Variants in TCERG1L observed in about 807,000 individuals in gnomAD.
TCERG1L encodes transcription elongation regulator 1 like, also known as transcription elongation regulator 1-like protein.
A neutral mutation model predicts 56.3 loss-of-function variants in TCERG1L; 37 were observed. That is an observed-to-expected ratio of 0.66 (90% CI 0.51 to 0.87). The LOEUF is 0.87. Among genes scored for constraint, TCERG1L ranks in the 40% least tolerant of loss-of-function variants. The pLI, the probability that TCERG1L is intolerant of heterozygous loss-of-function variation, is 0.00. For missense variants in TCERG1L, 799 were observed against 774.2 expected (o/e 1.03, Z -0.38); for synonymous variants, 324 against 326.3 (o/e 0.99, Z 0.08).
intron 7 of TCERG1L, among the ~76,000 whole-genome samples, chr10:131,143,650 C>T (rs187015422): frequency 2.4e-3 from 361 of 152,264 alleles, no homozygotes; most frequent in African/African-American, 7.7e-3. Context: ...GAGAGAACCA[C>T]GCCTCTGACA....
At chr10:131,115,595 C>G (rs1366574172) in intron 9 of TCERG1L, among the ~76,000 whole-genome samples, 1 of 111,340 alleles carries the variant, frequency 9.0e-6, no homozygotes, top group Non-Finnish European at 2.0e-5. Flanking sequence ...GTCACCAGCT[C>G]ACACCCCCAC....
chr10:131,109,742 C>T (rs1054356844), intron 9 of TCERG1L, among the ~76,000 whole-genome samples: 3 of 152,120 alleles, frequency 2.0e-5, no homozygotes, highest in Admixed American at 1.3e-4. Context: ...CCTCCTGCAG[C>T]GGGACTCTCC....
intron 9 of TCERG1L, among the ~76,000 whole-genome samples, chr10:131,105,204 C>T (rs1043105918): frequency 6.6e-6 from 1 of 152,180 alleles, no homozygotes. Flanking sequence ...GGGAGGAAGA[C>T]CACACAGGTA....
At chr10:131,289,109 TAAAAACAGA>T in intron 3 of TCERG1L, among the ~76,000 whole-genome samples, 1 of 151,996 alleles carries the variant, frequency 6.6e-6, no homozygotes. Flanking sequence ...AACTGAATTT[TAAAAACAGA>T]TTGCTTCGCT....
intron 3 of TCERG1L, among the ~76,000 whole-genome samples, chr10:131,306,205 C>T (rs1037777074): frequency 1.1e-4 from 16 of 151,988 alleles, no homozygotes; most frequent in African/African-American, 3.9e-4. Context: ...CTTTCTTTGG[C>T]CTAAGAGACA....
chr10:131,178,205 G>GC (rs1845129266), intron 4 of TCERG1L, among the ~76,000 whole-genome samples: 1 of 152,130 alleles, frequency 6.6e-6, no homozygotes, highest in Non-Finnish European at 1.5e-5. Context: ...CGCCAGCTTT[G>GC]CCTTTACTAG....
At chr10:131,305,878 G>A (rs2133586322) in intron 3 of TCERG1L, among the ~76,000 whole-genome samples, 1 of 150,428 alleles carries the variant, frequency 6.6e-6, no homozygotes, top group East Asian at 1.9e-4. Flanking sequence ...TTTAAATGTA[G>A]TACATGCATA....
At chr10:131,128,164 G>A (rs1845581255) in intron 8 of TCERG1L, among the ~76,000 whole-genome samples, 1 of 152,116 alleles carries the variant, frequency 6.6e-6, no homozygotes, top group South Asian at 2.1e-4. Context: ...TGGAAATGAA[G>A]AATAAACTAG....
chr10:131,224,494 A>T (rs1230016928), intron 4 of TCERG1L, among the ~76,000 whole-genome samples: 2 of 152,144 alleles, frequency 1.3e-5, no homozygotes, highest in Non-Finnish European at 2.9e-5. Context: ...GGTTTTATCT[A>T]ATTCACCAGG....
At chr10:131,245,999 G>GC (rs1287489607) in intron 4 of TCERG1L, among the ~76,000 whole-genome samples, 14 of 152,136 alleles carry the variant, frequency 9.2e-5, no homozygotes, top group African/African-American at 3.1e-4. Context: ...GAGGCCGAGA[G>GC]CCCCCCAAGT....
chr10:131,197,612 A>G (rs1845380508), intron 4 of TCERG1L, among the ~76,000 whole-genome samples: 1 of 152,154 alleles, frequency 6.6e-6, no homozygotes, highest in South Asian at 2.1e-4. Context: ...GGAATTTTTC[A>G]TTATATCCCA....
intron 4 of TCERG1L, among the ~76,000 whole-genome samples, chr10:131,226,602 A>G (rs1845793003): frequency 6.6e-6 from 1 of 152,258 alleles, no homozygotes. Context: ...TTAATAAGCC[A>G]CTGAAGGAAG....
rs945880707 is a variant in TCERG1L at position 131,092,427 on chromosome 10, A to C, written c.*735T>G. The C allele has an allele frequency of 6.6e-6, 1 of 152,448 alleles. No individual in the cohort carries two copies. Among genetic ancestry groups the C allele is most frequent in the Non-Finnish European group, 1.5e-5 (1 of 67,876 alleles). The allele number at this position is 152,448 out of a possible 1,614,324, so 9.4% of individuals were successfully genotyped here. A position where few individuals can be genotyped will look rare whatever the true frequency, so the allele number is the denominator to read the frequency against. ...TATTTATTGATTAAAAAAAATTAAA[A>C]ATTTTTTATACAAAGGTGATGAGAA... On this transcript the variant is annotated 3_prime_UTR_variant, in exon 12 of 12. Coordinates refer to ENST00000368642, the MANE Select transcript of TCERG1L (RefSeq NM_174937.4).
intron 4 of TCERG1L, among the ~76,000 whole-genome samples, chr10:131,223,798 C>CT (rs1845762269): frequency 6.6e-6 from 1 of 152,048 alleles, no homozygotes; most frequent in South Asian, 2.1e-4. Context: ...CTGAAGTCTC[C>CT]TTTGGCAAGC....
At chr10:131,102,488 G>C (rs1029381652) in intron 10 of TCERG1L, among the ~76,000 whole-genome samples, 2 of 152,178 alleles carry the variant, frequency 1.3e-5, no homozygotes, top group East Asian at 1.9e-4. Flanking sequence ...GGGATTTTAT[G>C]AGCAGAGGAC....
chr10:131,124,716 C>G (rs1056060686), intron 8 of TCERG1L, among the ~76,000 whole-genome samples: 2 of 152,144 alleles, frequency 1.3e-5, no homozygotes, highest in African/African-American at 4.8e-5. Flanking sequence ...TTCTTTATCC[C>G]CCAAATGACA....
intron 3 of TCERG1L, among the ~76,000 whole-genome samples, chr10:131,307,644 A>G (rs991295740): frequency 1.3e-5 from 2 of 152,188 alleles, no homozygotes; most frequent in Non-Finnish European, 2.9e-5. Context: ...TTATTATACA[A>G]TCTTTCATCT....
chr10:131,265,900 C>T (rs539726326), intron 3 of TCERG1L, among the ~76,000 whole-genome samples: 16 of 152,346 alleles, frequency 1.1e-4, no homozygotes, highest in African/African-American at 1.9e-4. Flanking sequence ...ACAACAGCAA[C>T]GCTTGCTACA....
intron 7 of TCERG1L, among the ~76,000 whole-genome samples, chr10:131,145,843 C>T (rs1273263102): frequency 6.6e-6 from 1 of 152,244 alleles, no homozygotes; most frequent in Non-Finnish European, 1.5e-5. Flanking sequence ...TTTGAATCCA[C>T]ATGCTCTGGG....
Sources: allele counts gnomAD v4.1 joint callset (sites outside exome capture counted in the v4.1 genomes callset), GRCh38; gene constraint gnomAD v4.1.1; transcripts MANE v1.5; gene names NCBI Gene and HGNC (gene_info 2026-07-23, HGNC 2026-07-21).